The following AGMO variants were observed in gnomAD, a reference collection of about 807,000 sequenced individuals.
The protein encoded by AGMO is glyceryl-ether monooxygenase.
A neutral mutation model predicts 60.2 loss-of-function variants in AGMO; 75 were observed. The observed-to-expected ratio is 1.25, with a 90% CI of 1.03 to 1.51. The LOEUF (loss-of-function observed/expected upper bound fraction) is 1.51. Ranked by LOEUF, AGMO falls within the 40% of genes most tolerant of loss-of-function variation. The pLI is 0.00. For missense variants in AGMO, 763 were observed against 525.5 expected (o/e 1.45, Z -4.42); for synonymous variants, 261 against 177.1 (o/e 1.47, Z -3.76).
intron 12 of AGMO, among the ~76,000 whole-genome samples, chr7:15,284,363 A>G (rs1163135324): frequency 6.6e-6 from 1 of 152,024 alleles, no homozygotes; most frequent in Non-Finnish European, 1.5e-5. Flanking sequence ...GAGGTTTCAA[A>G]TAAGATTAAA....
At chr7:15,163,408 G>T in the AGMO span, among the ~76,000 whole-genome samples, 25 of 151,968 alleles carry the variant, frequency 1.6e-4, no homozygotes, top group Admixed American at 1.3e-3. Flanking sequence ...CAGTTCTTAG[G>T]GGGAATACTT....
intron 2 of AGMO, among the ~76,000 whole-genome samples, chr7:15,550,663 T>G (rs1275881605): frequency 1.4e-3 from 216 of 150,632 alleles, no homozygotes; most frequent in African/African-American, 5.1e-3. Flanking sequence ...GCTGAAATTC[T>G]GGCAATAATC....
intron 12 of AGMO, among the ~76,000 whole-genome samples, chr7:15,265,360 GAT>G (rs1304938009): frequency 6.6e-6 from 1 of 151,932 alleles, no homozygotes; most frequent in Non-Finnish European, 1.5e-5. Context: ...CTGGTGACAG[GAT>G]CGCTCAGACC....
chr7:15,425,915 A>C lies in AGMO; in HGVS notation c.513+5090T>G, dbSNP rs140646419. Among the ~76,000 whole-genome samples the C allele has an allele frequency of 3.4e-3, 518 of 152,330 alleles. 1 individual carries two copies. The highest frequency in any genetic ancestry group is 0.012 in the African/African-American group (490 of 41,582). On this transcript the variant is annotated intron_variant, in intron 4 of 12. Transcript: ENST00000342526. ...AGCTAAAAAATTCACTCACTCTAGT[A>C]ATTTCAATTAAGTTCATTTGTCATT...
intron 12 of AGMO, among the ~76,000 whole-genome samples, chr7:15,226,106 A>T (rs1379609035): frequency 2.0e-5 from 3 of 152,026 alleles, no homozygotes; most frequent in African/African-American, 7.2e-5. Flanking sequence ...TCCCTAAGAA[A>T]AACTAGCCTT....
At chr7:15,138,997 C>T in the AGMO span, among the ~76,000 whole-genome samples, 3 of 152,134 alleles carry the variant, frequency 2.0e-5, no homozygotes, top group African/African-American at 4.8e-5. Flanking sequence ...GAACTAACCA[C>T]CCAAATTAAG....
Position 15,305,729 on chromosome 7 carries a change from C to T in AGMO, c.1263+59785G>A, listed in dbSNP as rs115115654. 3.2e-3 allele frequency among the ~76,000 whole-genome samples: 492 copies of T among 151,886 alleles called. 3 individuals are homozygous for T. Among genetic ancestry groups the T allele is most frequent in the African/African-American group, 0.011 (468 of 41,470 alleles). On this transcript the variant is annotated intron_variant, in intron 12 of 12. Coordinates refer to ENST00000342526, the MANE Select transcript of AGMO (RefSeq NM_001004320.2). The stretch of plus-strand genomic sequence containing the variant: ...TACTAGGGTACTATAGTTATATAAG[C>T]AACTCGGTTTCTACTGTGTCATTAT...
At chr7:15,400,090 A>T (rs1392074716) in intron 5 of AGMO, among the ~76,000 whole-genome samples, 1 of 152,032 alleles carries the variant, frequency 6.6e-6, no homozygotes, top group African/African-American at 2.4e-5. Context: ...CTCATACTAT[A>T]TTGCAAGTTT....
the AGMO span, among the ~76,000 whole-genome samples, chr7:15,169,875 G>A: frequency 6.6e-5 from 10 of 152,338 alleles, no homozygotes; most frequent in Admixed American, 5.2e-4. Context: ...TCTGAGGAAC[G>A]TGACTCTATT....
chr7:15,238,100 C>T (rs1782481407), intron 12 of AGMO, among the ~76,000 whole-genome samples: 1 of 151,780 alleles, frequency 6.6e-6, no homozygotes, highest in African/African-American at 2.4e-5. Context: ...AACCCACTTG[C>T]TTTTTGTTCC....
chr7:15,486,784 T>C (rs1428458437), intron 3 of AGMO, among the ~76,000 whole-genome samples: 1 of 152,212 alleles, frequency 6.6e-6, no homozygotes, highest in African/African-American at 2.4e-5. Flanking sequence ...GACTAAAACA[T>C]GTCCATGAGT....
intron 12 of AGMO, among the ~76,000 whole-genome samples, chr7:15,216,530 TG>T (rs1484331835): frequency 6.6e-6 from 1 of 152,032 alleles, no homozygotes; most frequent in African/African-American, 2.4e-5. Context: ...ATCTTTCTAC[TG>T]GAATTCTATA....
At chr7:15,352,603 G>A (rs368913527) in intron 12 of AGMO, among the ~76,000 whole-genome samples, 17 of 152,056 alleles carry the variant, frequency 1.1e-4, no homozygotes, top group Admixed American at 9.8e-4. Context: ...TCAATTGGCG[G>A]GAGCATCTGG....
At chr7:15,420,337 C>G (rs139190054) in intron 4 of AGMO, among the ~76,000 whole-genome samples, 2 of 152,028 alleles carry the variant, frequency 1.3e-5, no homozygotes, top group Middle Eastern at 3.4e-3. Context: ...GATGAGTTTA[C>G]CATAGGATTA....
At chr7:15,351,464 A>G (rs1040521202) in intron 12 of AGMO, among the ~76,000 whole-genome samples, 2 of 152,184 alleles carry the variant, frequency 1.3e-5, no homozygotes, top group Non-Finnish European at 1.5e-5. Flanking sequence ...TAAAGGCATG[A>G]GTGATTAGTA....
At chr7:15,428,275 G>T (rs1781126944) in intron 4 of AGMO, among the ~76,000 whole-genome samples, 1 of 151,984 alleles carries the variant, frequency 6.6e-6, no homozygotes, top group Admixed American at 6.6e-5. Flanking sequence ...ATCTTCCAAG[G>T]GACCTAGAAA....
chr7:15,520,482 A>C (rs1443021801), intron 3 of AGMO, among the ~76,000 whole-genome samples: 1 of 152,222 alleles, frequency 6.6e-6, no homozygotes, highest in Non-Finnish European at 1.5e-5. Flanking sequence ...AAAGAATGGA[A>C]ATCATAACAA....
At chr7:15,529,538 T>C (rs1473323585) in intron 3 of AGMO, among the ~76,000 whole-genome samples, 2 of 128,364 alleles carry the variant, frequency 1.6e-5, no homozygotes, top group African/African-American at 6.2e-5. Context: ...AGAATATATA[T>C]ATATTCTATA....
chr7:15,447,548 C>T (rs547543791), intron 3 of AGMO, among the ~76,000 whole-genome samples: 4 of 152,086 alleles, frequency 2.6e-5, no homozygotes, highest in African/African-American at 7.2e-5. Flanking sequence ...GTTCTCATTT[C>T]TTTTCTTTTT....
Sources: gnomAD v4.1 joint callset for allele counts (sites outside exome capture counted in the v4.1 genomes callset) on GRCh38, gnomAD v4.1.1 for gene constraint, MANE v1.5 for transcripts, NCBI Gene and HGNC (gene_info 2026-07-23, HGNC 2026-07-21) for gene names.